FBN1: variants seen among roughly 807,000 people sequenced by gnomAD.
FBN1 encodes fibrillin-1.
In FBN1, 29 loss-of-function variants were observed where a neutral mutation model predicts 365.1. The ratio of observed to expected loss-of-function variants is 0.08; its 90% CI spans 0.06 to 0.11. The LOEUF is 0.11. Ranked by LOEUF, FBN1 falls within the 10% of genes least tolerant of loss-of-function variation. The pLI is 1.00. For missense variants in FBN1, 2,476 were observed against 3,703.2 expected (o/e 0.67, Z 8.60); for synonymous variants, 1,210 against 1,270.5 (o/e 0.95, Z 1.01).
chr15:48,444,089 T>C (rs1480883121), intron 49 of FBN1, among the ~76,000 whole-genome samples: 1 of 152,162 alleles, frequency 6.6e-6, no homozygotes, highest in Non-Finnish European at 1.5e-5. Context: ...GAGAATTTAT[T>C]TGAAATAAGA....
intron 6 of FBN1, among the ~76,000 whole-genome samples, chr15:48,570,463 A>C (rs1443222581): frequency 6.8e-6 from 1 of 147,988 alleles, no homozygotes; most frequent in East Asian, 2.0e-4. Context: ...AATGTTGGGA[A>C]AACTTTGAAA....
At chr15:48,514,643 A>G (rs771304502) in intron 12 of FBN1, among the ~76,000 whole-genome samples, 5 of 152,170 alleles carry the variant, frequency 3.3e-5, no homozygotes, top group Non-Finnish European at 7.3e-5. Flanking sequence ...TCTTTCTTCC[A>G]TTTAAAATAA....
At chr15:48,557,053 T>C (rs954705699) in intron 6 of FBN1, among the ~76,000 whole-genome samples, 3 of 152,080 alleles carry the variant, frequency 2.0e-5, no homozygotes, top group Admixed American at 1.3e-4. Context: ...GAACCCAAGA[T>C]TGAGAGGGGA....
chr15:48,635,606 A>G (rs1405986787), intron 2 of FBN1, among the ~76,000 whole-genome samples: 1 of 152,248 alleles, frequency 6.6e-6, no homozygotes, highest in Non-Finnish European at 1.5e-5. Context: ...ATAAAATTCC[A>G]TACAGAAGAA....
chr15:48,440,450 C>T lies in FBN1; in HGVS notation c.6163+1271G>A, dbSNP rs146936851. 2.6e-5 allele frequency among the ~76,000 whole-genome samples: 4 copies of T among 152,252 alleles called. No homozygotes were observed. In the East Asian group the frequency reaches 7.7e-4, roughly 29 times the overall value. ...GCTTTCTTTCCAAATTCAGGCCAAG[C>T]CAAAGGCACACAAAAACAAGGGAGT... On this transcript the variant is annotated intron_variant, in intron 50 of 65. Coordinates refer to ENST00000316623, the MANE Select transcript of FBN1 (RefSeq NM_000138.5).
chr15:48,463,872 G>T, intron 41 of FBN1, 27 bp downstream of exon 41: 1 of 1,592,008 alleles, frequency 6.3e-7, no homozygotes, highest in Non-Finnish European at 8.6e-7. Context: ...AACCAAACAT[G>T]CATTACTGAG....
chr15:48,599,718 C>T (rs886674335), intron 5 of FBN1, among the ~76,000 whole-genome samples: 9 of 152,234 alleles, frequency 5.9e-5, no homozygotes, highest in Middle Eastern at 3.4e-3. Context: ...TACCACCAAT[C>T]AAGATAAAGG....
intron 47 of FBN1, 65 bp downstream of exon 47, chr15:48,446,641 T>C: frequency 1.1e-6 from 1 of 923,492 alleles, no homozygotes; most frequent in East Asian, 2.4e-5. Flanking sequence ...CTAGAGATGA[T>C]GCTAATTACA....
At position 48,519,953 on chromosome 15, in the gene FBN1, T is replaced by C. The variant is rs188085904; in HGVS notation, c.1147+706A>G. ...AACGAAAGTGTGCTGTATTTATGTA[T>C]TTGTTTAGTTATGTATTTTTAAACT... On this transcript the variant is annotated intron_variant, in intron 10 of 65. Coordinates refer to ENST00000316623, the MANE Select transcript of FBN1 (RefSeq NM_000138.5). 3.5e-4 allele frequency among the ~76,000 whole-genome samples: 54 copies of C among 152,344 alleles called. No homozygotes were observed. The South Asian group carries it at 4.6e-3, about 13-fold the overall frequency.
chr15:48,598,213 C>T (rs2044530700), intron 5 of FBN1, among the ~76,000 whole-genome samples: 1 of 152,152 alleles, frequency 6.6e-6, no homozygotes, highest in African/African-American at 2.4e-5. Flanking sequence ...CCAACTCTGC[C>T]GATTACCATC....
intron 32 of FBN1, among the ~76,000 whole-genome samples, chr15:48,477,230 T>C (rs2043427032): frequency 6.6e-6 from 1 of 152,192 alleles, no homozygotes; most frequent in Non-Finnish European, 1.5e-5. Context: ...AAGTCTCCTT[T>C]AAAAATCATC....
intron 53 of FBN1, among the ~76,000 whole-genome samples, chr15:48,435,876 G>T (rs2043068644): frequency 6.6e-6 from 1 of 151,510 alleles, no homozygotes; most frequent in Admixed American, 6.6e-5. Flanking sequence ...ATCCCTTGGG[G>T]AGAATATCTC....
chr15:48,458,023 C>T (rs912955040), intron 43 of FBN1, among the ~76,000 whole-genome samples: 1 of 152,170 alleles, frequency 6.6e-6, no homozygotes, highest in African/African-American at 2.4e-5. Context: ...TCCTGGAGGG[C>T]CCTTCCATCA....
chr15:48,577,196 A>G (rs2044355022), intron 6 of FBN1, among the ~76,000 whole-genome samples: 1 of 152,092 alleles, frequency 6.6e-6, no homozygotes, highest in South Asian at 2.1e-4. Context: ...AAATGCTTTC[A>G]TCACATCCCA....
At chr15:48,455,984 T>C (rs2043235142) in intron 44 of FBN1, among the ~76,000 whole-genome samples, 1 of 152,192 alleles carries the variant, frequency 6.6e-6, no homozygotes, top group South Asian at 2.1e-4. Context: ...CCTGGGCACA[T>C]GGTATATTTA....
chr15:48,474,198 T>C (rs1169307010), intron 34 of FBN1, 57 bp downstream of exon 34: 1 of 1,611,938 alleles, frequency 6.2e-7, no homozygotes, highest in Non-Finnish European at 8.5e-7. Flanking sequence ...CTGAGAAATG[T>C]GGAATGCCTG....
At chr15:48,412,100 C>G (rs1434196680) in intron 65 of FBN1, among the ~76,000 whole-genome samples, 2 of 152,196 alleles carry the variant, frequency 1.3e-5, no homozygotes, top group African/African-American at 4.8e-5. Flanking sequence ...GCTGCAGCAG[C>G]CGTAGGCAAA....
intron 64 of FBN1, 50 bp downstream of exon 64, chr15:48,415,486 T>C (rs761949861): frequency 3.7e-6 from 5 of 1,366,614 alleles, no homozygotes; most frequent in Admixed American, 1.7e-5. Context: ...TACTTAATTA[T>C]ATTACGAATG....
chr15:48,409,731 A>G lies in FBN1; in HGVS notation c.*1259T>C, dbSNP rs2042845446. The G allele has an allele frequency of 6.6e-6, 1 of 152,168 alleles. No homozygotes were observed. Among genetic ancestry groups the G allele is most frequent in the South Asian group, 2.1e-4 (1 of 4,822 alleles). 9.4% of individuals were successfully genotyped at this position (152,168 alleles called of 1,614,324 possible). ...TGTATATTTGAGAGGGGGGCATGATAAATCTATTATAATGAAATTCATGTG... is the reference window on the plus strand; with the variant it reads ...TGTATATTTGAGAGGGGGGCATGATGAATCTATTATAATGAAATTCATGTG... On this transcript the variant is annotated 3_prime_UTR_variant, in exon 66 of 66. Coordinates refer to ENST00000316623, the MANE Select transcript of FBN1 (RefSeq NM_000138.5).
Sources: allele counts gnomAD v4.1 joint callset (sites outside exome capture counted in the v4.1 genomes callset), GRCh38; gene constraint gnomAD v4.1.1; transcripts MANE v1.5; gene names NCBI Gene and HGNC (gene_info 2026-07-23, HGNC 2026-07-21).